The following STAB2 variants were observed in gnomAD, a reference collection of about 807,000 sequenced individuals.
The protein encoded by STAB2 is stabilin-2.
In STAB2, 288 loss-of-function variants were observed where a neutral mutation model predicts 338.1. The observed-to-expected ratio is 0.85, with a 90% CI of 0.77 to 0.94. The LOEUF (loss-of-function observed/expected upper bound fraction) is 0.94. Among genes scored for constraint, STAB2 ranks in the 40% least tolerant of loss-of-function variants. The pLI, the probability that STAB2 is intolerant of heterozygous loss-of-function variation, is 0.00. For synonymous variants in STAB2, 1,202 were observed against 1,193.3 expected (o/e 1.01, Z -0.15); for missense variants, 3,141 against 3,210.1 (o/e 0.98, Z 0.52).
In STAB2 at chr12:103,628,515, C is replaced by T. The variant is rs367681708; in HGVS notation, c.488-3083C>T. Among the ~76,000 whole-genome samples the T allele has an allele frequency of 4.6e-5, 7 of 152,228 alleles. No individual in the cohort carries two copies. In the East Asian group the frequency reaches 7.7e-4, roughly 17 times the overall value. ...CAACTTATTGTCCCAGTTCTGGAAG[C>T]GAGAAGTCAAATATCAAGGTGTTGG... On this transcript the variant is annotated intron_variant, in intron 5 of 68. Transcript: ENST00000388887.
intron 18 of STAB2, among the ~76,000 whole-genome samples, chr12:103,663,299 C>G (rs963023764): frequency 6.6e-6 from 1 of 152,200 alleles, no homozygotes; most frequent in Non-Finnish European, 1.5e-5. Flanking sequence ...AATTTATTCT[C>G]TCACAATTCT....
At chr12:103,674,899 G>A (rs1383701761) in intron 23 of STAB2, among the ~76,000 whole-genome samples, 4 of 152,170 alleles carry the variant, frequency 2.6e-5, no homozygotes, top group Admixed American at 6.5e-5. Flanking sequence ...CAATAGAAAT[G>A]CCTTTTCCTA....
intron 33 of STAB2, among the ~76,000 whole-genome samples, chr12:103,698,295 CCTTCCCCACAGGATGTTTCT>C (rs1234998227): frequency 1.3e-5 from 2 of 152,116 alleles, no homozygotes; most frequent in East Asian, 3.9e-4. Flanking sequence ...CTTCTCCTCT[CCTTCCCCACAGGATGTTTCT>C]CTTCCCTTTC....
At chr12:103,639,718 A>AC (rs1957608587) in intron 8 of STAB2, among the ~76,000 whole-genome samples, 1 of 151,814 alleles carries the variant, frequency 6.6e-6, no homozygotes, top group African/African-American at 2.4e-5. Context: ...AAAAAAAAAA[A>AC]AAAAAAAACA....
intron 9 of STAB2, among the ~76,000 whole-genome samples, chr12:103,643,290 CA>C (rs777617208): frequency 1.4e-4 from 21 of 152,240 alleles, no homozygotes; most frequent in Non-Finnish European, 2.6e-4. Context: ...AGGATTTCAA[CA>C]TATGAATTTT....
intron 8 of STAB2, 131 bp downstream of exon 8, chr12:103,638,343 A>C: frequency 9.9e-7 from 1 of 1,006,454 alleles, no homozygotes; most frequent in Non-Finnish European, 1.4e-6. Flanking sequence ...CCCTCCAGAC[A>C]GTCCTCCATG....
intron 11 of STAB2, 140 bp from the exon 12 acceptor site, chr12:103,652,416 A>G: frequency 1.6e-6 from 1 of 635,000 alleles, no homozygotes; most frequent in Non-Finnish European, 2.6e-6. Flanking sequence ...CAGTGCTTTC[A>G]TGCATTTGTA....
chr12:103,702,001 CA>C (rs1878915842), intron 34 of STAB2, among the ~76,000 whole-genome samples: 1 of 151,406 alleles, frequency 6.6e-6, no homozygotes, highest in Admixed American at 6.6e-5. Flanking sequence ...CACACACACA[CA>C]CACACACACA....
intron 6 of STAB2, among the ~76,000 whole-genome samples, chr12:103,632,749 G>A (rs1250992018): frequency 6.6e-6 from 1 of 152,090 alleles, no homozygotes; most frequent in Non-Finnish European, 1.5e-5. Context: ...GCAGAAAGAG[G>A]AGTTCCCGCC....
At chr12:103,762,455 C>T in intron 67 of STAB2, 53 bp downstream of exon 67, 1 of 1,612,738 alleles carries the variant, frequency 6.2e-7, no homozygotes, top group Non-Finnish European at 8.5e-7. Context: ...AAAACCCAGT[C>T]CCTGGACCTG....
chr12:103,612,324 A>T (rs1468017810), intron 3 of STAB2, among the ~76,000 whole-genome samples: 1 of 152,188 alleles, frequency 6.6e-6, no homozygotes, highest in Non-Finnish European at 1.5e-5. Flanking sequence ...AGGTACACCA[A>T]TCAGACGTAG....
At chr12:103,648,647 AT>A in intron 9 of STAB2, 42 bp from the exon 10 acceptor site, 1 of 1,598,636 alleles carries the variant, frequency 6.3e-7, no homozygotes, top group Non-Finnish European at 8.5e-7. Context: ...AAAATACTCA[AT>A]GGCTCTAAAA....
chr12:103,633,738 C>T (rs909686819), intron 6 of STAB2, among the ~76,000 whole-genome samples: 1 of 152,172 alleles, frequency 6.6e-6, no homozygotes. Flanking sequence ...GTCCACTAAT[C>T]GTTACATACA....
chr12:103,712,547 A>G (rs1465103885), intron 41 of STAB2, 104 bp downstream of exon 41: 1 of 838,732 alleles, frequency 1.2e-6, no homozygotes, highest in East Asian at 2.5e-5. Context: ...GCTGGTGCCA[A>G]CCACTGATGG....
intron 2 of STAB2, among the ~76,000 whole-genome samples, chr12:103,593,331 G>T (rs1027090378): frequency 6.6e-6 from 1 of 152,054 alleles, no homozygotes; most frequent in African/African-American, 2.4e-5. Context: ...AATACTTGTT[G>T]CCTTTTGTTT....
At chr12:103,761,261 G>A (rs376808406) in intron 65 of STAB2, 39 bp from the exon 66 acceptor site, 197 of 1,589,182 alleles carry the variant, frequency 1.2e-4, no homozygotes, top group Non-Finnish European at 1.6e-4. Context: ...CTGCCCACTC[G>A]GAGAGTAAAA....
intron 5 of STAB2, among the ~76,000 whole-genome samples, chr12:103,625,181 G>T (rs930631596): frequency 2.0e-5 from 3 of 152,182 alleles, no homozygotes; most frequent in Admixed American, 2.0e-4. Flanking sequence ...CCTAGTAATT[G>T]TCTGGAGATG....
At position 103,759,273 on chromosome 12, in the gene STAB2, G is replaced by A. The variant is rs201025236; in HGVS notation, c.7248G>A (p.Pro2416=). The A allele has an allele frequency of 4.9e-5, 79 of 1,613,360 alleles. No individual in the cohort carries two copies. The highest frequency in any genetic ancestry group is 2.9e-4 in the South Asian group (26 of 90,990). ...LITASQDPLQ[P]TETRFVDGRA... ...CTGCCAGCCAGGACCCACTCCAACC[G>A]GTACAAAGTCTTCTGGGCTTCTTGG... The change falls in exon 65 of 69, where the codon CCG becomes CCA. Residue 2416 remains proline (P), a splice_region_variant and synonymous_variant. Coordinates refer to ENST00000388887, the MANE Select transcript of STAB2 (RefSeq NM_017564.10).
intron 55 of STAB2, among the ~76,000 whole-genome samples, chr12:103,742,161 T>C (rs900159546): frequency 6.6e-6 from 1 of 152,070 alleles, no homozygotes; most frequent in African/African-American, 2.4e-5. Context: ...TATCCTCAAA[T>C]CCAGTGCACA....
Sources: gnomAD v4.1 joint callset for allele counts (sites outside exome capture counted in the v4.1 genomes callset) on GRCh38, gnomAD v4.1.1 for gene constraint, MANE v1.5 for transcripts, NCBI Gene and HGNC (gene_info 2026-07-23, HGNC 2026-07-21) for gene names.